Variants in POLR2G observed in about 807,000 individuals in gnomAD.
The protein encoded by POLR2G is RNA polymerase II subunit G.
A neutral mutation model predicts 25.7 loss-of-function variants in POLR2G; 19 were observed. The ratio of observed to expected loss-of-function variants is 0.74; its 90% CI spans 0.52 to 1.08. POLR2G has a LOEUF of 1.08. Among genes scored for constraint, POLR2G ranks in the 50% least tolerant of loss-of-function variants. POLR2G has a pLI of 0.00. For synonymous variants in POLR2G, 79 were observed against 76.0 expected (o/e 1.04, Z -0.21); for missense variants, 123 against 218.5 (o/e 0.56, Z 2.76).
At chr11:62,764,258 C>T (rs2084103754) in intron 3 of POLR2G, among the ~76,000 whole-genome samples, 2 of 151,384 alleles carry the variant, frequency 1.3e-5, no homozygotes, top group Admixed American at 6.6e-5. Context: ...GGTGGGAGTT[C>T]AAGACCAGCC....
chr11:62,765,234 T>C lies in POLR2G; in HGVS notation c.333+2T>C, dbSNP rs2084109388. ...ATGTCTTGCTTCATCTCTCGACATG[T>C]AAGTCTGGGCACACTGGGTGGGGCT... is the stretch of plus-strand genomic sequence containing the variant. On this transcript the variant is annotated splice_donor_variant, in intron 4 of 7. Transcript: ENST00000301788. LOFTEE classifies it high-confidence loss of function. 1.2e-6 allele frequency: 2 copies of C among 1,613,760 alleles called. No homozygotes were observed. The highest frequency in any genetic ancestry group is 2.7e-5 in the African/African-American group (2 of 74,920).
At chr11:62,763,101 A>T in intron 3 of POLR2G, 75 bp downstream of exon 3, 1 of 850,606 alleles carries the variant, frequency 1.2e-6, no homozygotes, top group Non-Finnish European at 1.7e-6. Context: ...CCACTTCATA[A>T]CTCTGTGCCT....
intron 2 of POLR2G, 71 bp downstream of exon 2, chr11:62,761,975 C>A: frequency 9.1e-7 from 1 of 1,100,402 alleles, no homozygotes; most frequent in Non-Finnish European, 1.4e-6. Context: ...GCAACCCCTC[C>A]CCAACTCCTA....
chr11:62,765,481 G>A (rs1310196624), intron 5 of POLR2G, 76 bp downstream of exon 5: 15 of 1,264,018 alleles, frequency 1.2e-5, no homozygotes, highest in Admixed American at 1.7e-5. Flanking sequence ...CCTGGGGATG[G>A]CTGAGTACAG....
At chr11:62,761,773 G>A in intron 1 of POLR2G, 22 bp from the exon 2 acceptor site, 3 of 1,610,758 alleles carry the variant, frequency 1.9e-6, no homozygotes, top group Non-Finnish European at 1.7e-6. Flanking sequence ...TGGCCTGGTC[G>A]CCATCCCACT....
chr11:62,763,861 C>T (rs1380578894), intron 3 of POLR2G, among the ~76,000 whole-genome samples: 1 of 151,840 alleles, frequency 6.6e-6, no homozygotes, highest in African/African-American at 2.4e-5. Flanking sequence ...CCTGCCTCAG[C>T]CTCCCAACTA....
intron 6 of POLR2G, 130 bp downstream of exon 6, chr11:62,765,854 C>T: frequency 1.6e-6 from 1 of 629,920 alleles, no homozygotes; most frequent in East Asian, 2.8e-5. Context: ...GTGGCGCGAT[C>T]TCGGCTCACT....
intron 6 of POLR2G, 33 bp downstream of exon 6, chr11:62,765,757 A>C: frequency 2.4e-6 from 3 of 1,249,656 alleles, no homozygotes; most frequent in Non-Finnish European, 3.5e-6. Context: ...TACCTATACC[A>C]GGTTGAGCTG....
intron 3 of POLR2G, among the ~76,000 whole-genome samples, chr11:62,763,990 G>A (rs2084102341): frequency 6.7e-6 from 1 of 149,626 alleles, no homozygotes; most frequent in Non-Finnish European, 1.5e-5. Flanking sequence ...GATCTGCCTG[G>A]CTCAGCCACC....
rs1479021514 is a variant in POLR2G, at chr11:62,761,626, G to T, written c.-23G>T. ...AGGGACTGTCGGAGGTGTGGACTCT[G>T]CCTGCCTACCTGGTCTGGGAAGATG... On this transcript the variant is annotated 5_prime_UTR_variant, in exon 1 of 8. Coordinates refer to ENST00000301788, the MANE Select transcript of POLR2G (RefSeq NM_002696.3). The T allele has an allele frequency of 6.2e-7, 1 of 1,605,700 alleles. No homozygotes were observed. The highest frequency in any genetic ancestry group is 8.5e-7 in the Non-Finnish European group (1 of 1,175,488).
intron 3 of POLR2G, among the ~76,000 whole-genome samples, chr11:62,763,961 C>G (rs757606337): frequency 3.3e-4 from 50 of 151,260 alleles, no homozygotes; most frequent in Non-Finnish European, 5.8e-4. Context: ...AGGCTGGTCT[C>G]GAACTCCCGA....
At position 62,765,568 on chromosome 11, in the gene POLR2G, T is replaced by C. The variant is rs2084111358; in HGVS notation, c.400-85T>C. ...GTGTGAAAGTGATGTGCATTCAATA[T>C]GCCCCCGGGCTTACAGTGAAGTGAT... On this transcript the variant is annotated intron_variant, in intron 5 of 7. Coordinates refer to ENST00000301788, the MANE Select transcript of POLR2G (RefSeq NM_002696.3). The C allele has an allele frequency of 3.6e-6, 4 of 1,117,822 alleles. No homozygotes were observed. The South Asian group carries it at 4.9e-5, about 14-fold the overall frequency. 69.2% of individuals were successfully genotyped at this position (1,117,822 alleles called of 1,614,324 possible).
Position 62,763,008 on chromosome 11 carries a change from TGTC to T in POLR2G, c.265_267del (p.Val89del), listed in dbSNP as rs776911035. 1 of 1,604,670 alleles carries T rather than the reference TGTC, an allele frequency of 6.2e-7. No homozygotes were observed. The highest frequency in any genetic ancestry group is 8.5e-7 in the Non-Finnish European group (1 of 1,173,382). On this transcript the variant is annotated inframe_deletion, in exon 3 of 8. Transcript: ENST00000301788. ...TTAAAGGGGAGGTCGTGGATGCTGT[TGTC>T]ACTCAGGTCAACAAGGTGAGACCAT...
intron 6 of POLR2G, 72 bp from the exon 7 acceptor site, chr11:62,766,171 C>G: frequency 7.8e-7 from 1 of 1,275,902 alleles, no homozygotes; most frequent in Non-Finnish European, 1.1e-6. Flanking sequence ...GGCAGAAGGC[C>G]TGGGGCTGCA....
intron 3 of POLR2G, among the ~76,000 whole-genome samples, chr11:62,764,628 T>C (rs1456753140): frequency 6.6e-6 from 1 of 151,888 alleles, no homozygotes; most frequent in Non-Finnish European, 1.5e-5. Flanking sequence ...ACTCTGTCTC[T>C]ACAAAAAGTT....
intron 3 of POLR2G, among the ~76,000 whole-genome samples, chr11:62,764,107 C>T (rs2084103005): frequency 6.6e-6 from 1 of 152,118 alleles, no homozygotes; most frequent in African/African-American, 2.4e-5. Context: ...GATCATGTGG[C>T]CAACAGGTGT....
chr11:62,763,530 G>C (rs1275693528), intron 3 of POLR2G, among the ~76,000 whole-genome samples: 1 of 151,832 alleles, frequency 6.6e-6, no homozygotes, highest in Non-Finnish European at 1.5e-5. Flanking sequence ...TCCTGACCTC[G>C]TGATCCACCC....
At chr11:62,764,391 G>A (rs2084104625) in intron 3 of POLR2G, among the ~76,000 whole-genome samples, 1 of 152,100 alleles carries the variant, frequency 6.6e-6, no homozygotes, top group Non-Finnish European at 1.5e-5. Flanking sequence ...AACCTGGGAG[G>A]TGGAGGTTGC....
Position 62,766,646 on chromosome 11 carries a change from T to C in POLR2G, c.*139T>C, listed in dbSNP as rs900245364. On this transcript the variant is annotated 3_prime_UTR_variant, in exon 8 of 8. Coordinates refer to ENST00000301788, the MANE Select transcript of POLR2G (RefSeq NM_002696.3). ...CCCAGAAGGCATCTGGTGCTTCTTG[T>C]AGCTTAACTACTGCCTCCTCATTTT... 4.7e-5 allele frequency: 33 copies of C among 699,934 alleles called. No homozygotes were observed. The highest frequency in any genetic ancestry group is 8.3e-5 in the Non-Finnish European group (33 of 395,940). 43.4% of individuals were successfully genotyped at this position (699,934 alleles called of 1,614,324 possible). A position where few individuals can be genotyped will look rare whatever the true frequency, so the allele number is the denominator to read the frequency against.
Sources: gnomAD v4.1 joint callset for allele counts (sites outside exome capture counted in the v4.1 genomes callset) on GRCh38, gnomAD v4.1.1 for gene constraint, MANE v1.5 for transcripts, NCBI Gene and HGNC (gene_info 2026-07-23, HGNC 2026-07-21) for gene names.